GPHN: variants seen among roughly 807,000 people sequenced by gnomAD.
The protein encoded by GPHN is gephyrin.
GPHN carries 17 observed loss-of-function variants against 95.5 expected under a neutral mutation model. That is an observed-to-expected ratio of 0.18 (90% CI 0.12 to 0.27). The LOEUF is 0.27. GPHN is among the 10% of genes least tolerant of loss of function. The pLI, the probability that GPHN is intolerant of heterozygous loss-of-function variation, is 1.00. For missense variants in GPHN, 660 were observed against 978.1 expected (o/e 0.67, Z 4.34); for synonymous variants, 320 against 322.5 (o/e 0.99, Z 0.08).
the GPHN span, among the ~76,000 whole-genome samples, chr14:67,258,322 C>T: frequency 2.6e-5 from 4 of 152,238 alleles, no homozygotes; most frequent in African/African-American, 7.2e-5. Context: ...ATCGCATGAG[C>T]TCAGGAGTTC....
chr14:67,040,082 T>C (rs1440664624), intron 10 of GPHN, among the ~76,000 whole-genome samples: 1 of 152,140 alleles, frequency 6.6e-6, no homozygotes, highest in Non-Finnish European at 1.5e-5. Context: ...GTCCTAAAAA[T>C]TGAGTATTTT....
At chr14:66,623,059 G>T (rs2063372337) in intron 1 of GPHN, among the ~76,000 whole-genome samples, 1 of 152,136 alleles carries the variant, frequency 6.6e-6, no homozygotes, top group Admixed American at 6.5e-5. Flanking sequence ...ATTTATAAAA[G>T]AAAGAGGTTT....
At chr14:67,081,540 C>A (rs2076696476) in intron 11 of GPHN, among the ~76,000 whole-genome samples, 1 of 152,202 alleles carries the variant, frequency 6.6e-6, no homozygotes, top group Non-Finnish European at 1.5e-5. Flanking sequence ...TTCTCCCACT[C>A]TGTGGGTTGT....
At chr14:66,784,552 A>G (rs934038674) in intron 3 of GPHN, among the ~76,000 whole-genome samples, 7 of 152,308 alleles carry the variant, frequency 4.6e-5, no homozygotes, top group Middle Eastern at 3.4e-3. Flanking sequence ...ATGGTATTCT[A>G]TATATGTACA....
intron 5 of GPHN, among the ~76,000 whole-genome samples, chr14:66,890,597 C>T (rs934484687): frequency 3.9e-5 from 6 of 151,954 alleles, no homozygotes; most frequent in Non-Finnish European, 7.4e-5. Context: ...CAGCATTGGT[C>T]TCATACCAAA....
chr14:66,520,000 A>G lies in GPHN; in HGVS notation c.64+11409A>G, dbSNP rs535445642. Among the ~76,000 whole-genome samples, 77 of 152,266 alleles carry G rather than the reference A, an allele frequency of 5.1e-4. 1 individual carries two copies. The South Asian group carries it at 0.015, about 30-fold the overall frequency. On this transcript the variant is annotated intron_variant, in intron 1 of 22. Transcript: ENST00000478722. ...TAGAGTGTAAGCTCTTAACTACTAC[A>G]TGATACTCCTCTTTGGCATGTCAGA...
At chr14:67,678,247 A>G in the GPHN span, 2 of 1,018,310 alleles carry the variant, frequency 2.0e-6, no homozygotes, top group South Asian at 2.6e-5. Context: ...GAAAACCTTG[A>G]AGGAGAATCA....
chr14:67,570,125 C>T, the GPHN span: 3 of 796,534 alleles, frequency 3.8e-6, no homozygotes, highest in Non-Finnish European at 6.2e-6. Context: ...GGTGACCCTG[C>T]CCAGGGAGCT....
At chr14:67,256,901 G>A in the GPHN span, among the ~76,000 whole-genome samples, 1 of 152,050 alleles carries the variant, frequency 6.6e-6, no homozygotes, top group Non-Finnish European at 1.5e-5. Flanking sequence ...AAGAATGTGG[G>A]TATTGTGAAC....
the GPHN span, chr14:67,473,940 G>C: frequency 5.0e-6 from 8 of 1,584,366 alleles, no homozygotes; most frequent in Non-Finnish European, 6.9e-6. This position sits in a 1 kb window ranked among gnomAD's most constrained non-coding sequence, Gnocchi z 6.5. Flanking sequence ...GACTGGGGCT[G>C]GCTGCGGGGG....
chr14:67,544,444 A>G, the GPHN span, among the ~76,000 whole-genome samples: 1 of 152,242 alleles, frequency 6.6e-6, no homozygotes, highest in Non-Finnish European at 1.5e-5. Flanking sequence ...ACAGAAAAAA[A>G]GCCTTAATGA....
At chr14:67,729,469 T>C in the GPHN span, 6 of 1,327,718 alleles carry the variant, frequency 4.5e-6, no homozygotes, top group Non-Finnish European at 6.4e-6. Flanking sequence ...AAGCTGAGTT[T>C]GTGCCTGATG....
At chr14:67,357,161 A>G in the GPHN span, among the ~76,000 whole-genome samples, 5 of 152,180 alleles carry the variant, frequency 3.3e-5, no homozygotes, top group African/African-American at 7.2e-5. Context: ...CCACTCTACA[A>G]TTGTTTTTGC....
the GPHN span, among the ~76,000 whole-genome samples, chr14:67,251,193 T>C: frequency 6.6e-6 from 1 of 152,198 alleles, no homozygotes; most frequent in Non-Finnish European, 1.5e-5. Flanking sequence ...TTTGGTAAGA[T>C]TAGAAACTTT....
chr14:67,168,788 T>C, intron 20 of GPHN, 145 bp from the exon 21 acceptor site: 1 of 691,574 alleles, frequency 1.4e-6, no homozygotes, highest in Admixed American at 2.0e-5. Context: ...ACCTCTGTTC[T>C]GGTTGGATTC....
chr14:67,119,651 G>A (rs753313442), intron 16 of GPHN, among the ~76,000 whole-genome samples: 3 of 152,050 alleles, frequency 2.0e-5, no homozygotes, highest in Non-Finnish European at 2.9e-5. Context: ...TTAGCCGGGC[G>A]TGGTGGCGCA....
the GPHN span, among the ~76,000 whole-genome samples, chr14:67,452,972 A>C: frequency 6.6e-6 from 1 of 152,102 alleles, no homozygotes; most frequent in African/African-American, 2.4e-5. Context: ...CACACAAGGA[A>C]ATTTTTTCTG....
chr14:67,581,051 G>T, the GPHN span: 1 of 1,551,782 alleles, frequency 6.4e-7, no homozygotes, highest in East Asian at 2.2e-5. Flanking sequence ...CCTAAGCACT[G>T]CACGAGGGTG....
chr14:67,581,570 CTAAGTGT>C, the GPHN span: 1 of 167,176 alleles, frequency 6.0e-6, no homozygotes, highest in Admixed American at 5.6e-5. Context: ...CATGGGATGG[CTAAGTGT>C]GTTACTTTAT....
Sources: gnomAD v4.1 joint callset for allele counts (sites outside exome capture counted in the v4.1 genomes callset) on GRCh38, gnomAD v4.1.1 for gene constraint, Gnocchi (gnomAD v3.1) non-coding constraint, MANE v1.5 for transcripts, NCBI Gene and HGNC (gene_info 2026-07-23, HGNC 2026-07-21) for gene names.